HNRNPA2B1: variants seen among roughly 807,000 people sequenced by gnomAD.
HNRNPA2B1 encodes the protein heterogeneous nuclear ribonucleoprotein A2/B1.
HNRNPA2B1 carries 3 observed loss-of-function variants against 46.3 expected under a neutral mutation model. That is an observed-to-expected ratio of 0.06 (90% CI 0.03 to 0.17). The LOEUF is 0.17. Among genes scored for constraint, HNRNPA2B1 ranks in the 10% least tolerant of loss-of-function variants. The pLI is 1.00. For missense variants in HNRNPA2B1, 221 were observed against 418.9 expected (o/e 0.53, Z 4.12); for synonymous variants, 225 against 133.8 (o/e 1.68, Z -4.70).
chr7:26,200,635 C>T lies in HNRNPA2B1; in HGVS notation c.-58G>A. 3 of 1,612,140 alleles carry T rather than the reference C, an allele frequency of 1.9e-6. No homozygotes were observed. Among genetic ancestry groups the T allele is most frequent in the Non-Finnish European group, 2.5e-6 (3 of 1,179,244 alleles). ...CAGCCGAGCGAGATGAGAGAGATCTCCGCGGACGAACACGAACCGGACTCG... is the reference window on the plus strand; with the variant it reads ...CAGCCGAGCGAGATGAGAGAGATCTTCGCGGACGAACACGAACCGGACTCG... On this transcript the variant is annotated 5_prime_UTR_variant, in exon 1 of 11. Coordinates refer to ENST00000618183, the MANE Select transcript of HNRNPA2B1 (RefSeq NM_002137.4).
At position 26,190,050 on chromosome 7, in the gene HNRNPA2B1, A is replaced by T. The variant is rs567842517; in HGVS notation, c.*2310T>A. Reference sequence around the variant, plus strand: ...GAAACTGCTTTTAAAAATTTAGGGGATGGTGATCTTTTAGACAACCAAATA... The same window carrying T: ...GAAACTGCTTTTAAAAATTTAGGGGTTGGTGATCTTTTAGACAACCAAATA... On this transcript the variant is annotated 3_prime_UTR_variant, in exon 11 of 11. Coordinates refer to ENST00000618183, the MANE Select transcript of HNRNPA2B1 (RefSeq NM_002137.4). The T allele has an allele frequency of 6.6e-6, 1 of 152,570 alleles. No homozygotes were observed. The highest frequency in any genetic ancestry group is 2.4e-5 in the African/African-American group (1 of 41,456). The allele number at this position is 152,570 out of a possible 1,614,324, so 9.5% of individuals were successfully genotyped here.
chr7:26,200,580 C>G lies in HNRNPA2B1; in HGVS notation c.-3G>C, dbSNP rs1784322317. The G allele has an allele frequency of 5.6e-6, 9 of 1,613,534 alleles. No homozygotes were observed. Among genetic ancestry groups the G allele is most frequent in the Non-Finnish European group, 7.6e-6 (9 of 1,180,016 alleles). On this transcript the variant is annotated 5_prime_UTR_variant, in exon 1 of 11. Transcript: ENST00000618183. ...GATTTCAAACCCGTTACCTCCATCG[C>G]GGACTCAGTCGCTTCAGCCCGATTT...
At chr7:26,197,586 G>C (rs1057118552) in intron 2 of HNRNPA2B1, 36 bp downstream of exon 2, 8 of 1,569,754 alleles carry the variant, frequency 5.1e-6, no homozygotes, top group Admixed American at 1.7e-5. Flanking sequence ...ACAGCTAAAA[G>C]ACTAATATCC....
chr7:26,197,040 G>A (rs1439039496), intron 3 of HNRNPA2B1, 23 bp from the exon 4 acceptor site: 5 of 1,571,992 alleles, frequency 3.2e-6, no homozygotes, highest in Non-Finnish European at 4.4e-6. Context: ...TGGGGTAAAA[G>A]TCATCCAAAC....
At chr7:26,198,663 A>G (rs1013888954) in intron 1 of HNRNPA2B1, 8 of 152,252 alleles carry the variant, frequency 5.3e-5, no homozygotes, top group Non-Finnish European at 1.0e-4. Flanking sequence ...ATGCTGTACT[A>G]CACAGCTGTA....
At chr7:26,195,038 G>C (rs539946606) in intron 7 of HNRNPA2B1, among the ~76,000 whole-genome samples, 3 of 143,380 alleles carry the variant, frequency 2.1e-5, no homozygotes, top group Non-Finnish European at 4.5e-5. Flanking sequence ...AGATTGCAGT[G>C]AGCAGAGACG....
intron 7 of HNRNPA2B1, among the ~76,000 whole-genome samples, chr7:26,195,013 G>T (rs1461244178): frequency 6.7e-6 from 1 of 149,556 alleles, no homozygotes; most frequent in Non-Finnish European, 1.5e-5. Context: ...AGAATCACTT[G>T]GACCGGGAAG....
At chr7:26,194,955 G>C (rs1029436815) in intron 7 of HNRNPA2B1, among the ~76,000 whole-genome samples, 1 of 151,414 alleles carries the variant, frequency 6.6e-6, no homozygotes, top group African/African-American at 2.4e-5. Flanking sequence ...TTAGCTGGGC[G>C]TGGTGGTGCA....
At chr7:26,195,059 C>G (rs1284446166) in intron 7 of HNRNPA2B1, among the ~76,000 whole-genome samples, 1 of 142,216 alleles carries the variant, frequency 7.0e-6, no homozygotes, top group African/African-American at 2.7e-5. Flanking sequence ...CGCCACTACA[C>G]TCCAGCCTGG....
In HNRNPA2B1 at chr7:26,191,961, A is replaced by C. The variant is rs754602361; in HGVS notation, c.*399T>G. The C allele has an allele frequency of 6.5e-6, 1 of 152,806 alleles. No homozygotes were observed. The highest frequency in any genetic ancestry group is 1.5e-5 in the Non-Finnish European group (1 of 68,144). 9.5% of individuals were successfully genotyped at this position (152,806 alleles called of 1,614,324 possible). ...GTCTTATTACACCATGATCCTGGCT[A>C]ATAGCTTTTCAAAACTTTGAGAAAA... On this transcript the variant is annotated 3_prime_UTR_variant, in exon 11 of 11. Transcript: ENST00000618183.
In HNRNPA2B1 at chr7:26,197,372, T is replaced by C. The variant is rs1360852750; in HGVS notation, c.207A>G (p.Ala69=). ...SMAEVDAAMA[A]RPHSIDGRVV... ...CTCTCCCATCAATTGAATGAGGTCT[T>C]GCAGCCATGGCAGCATCAACCTCAG... is the stretch of plus-strand genomic sequence containing the variant. Residue 69 remains alanine (A), a synonymous_variant, in exon 3 of 11, where the codon GCA becomes GCG. Transcript: ENST00000618183. 6.2e-7 allele frequency: 1 copy of C among 1,614,050 alleles called. No individual in the cohort carries two copies. Among genetic ancestry groups the C allele is most frequent in the African/African-American group, 1.3e-5 (1 of 75,040 alleles).
At position 26,193,681 on chromosome 7, in the gene HNRNPA2B1, T is replaced by A. The variant is rs1184552968; in HGVS notation, c.735A>T (p.Gly245=). The A allele has an allele frequency of 3.7e-6, 6 of 1,611,566 alleles. No homozygotes were observed. The highest frequency in any genetic ancestry group is 4.2e-6 in the Non-Finnish European group (5 of 1,178,834). Residue 245 remains glycine, a synonymous_variant, in exon 8 of 11, where the codon GGA becomes GGT. Coordinates refer to ENST00000618183, the MANE Select transcript of HNRNPA2B1 (RefSeq NM_002137.4). ...YGGGPGGGNF[G]GSPGYGGGRG... The stretch of plus-strand genomic sequence containing the variant: ...TTCCTCCTCCATAACCGGGGCTACC[T>A]CCAAAATTGCCACCTATTATAAAAT...
At chr7:26,200,352 C>T (rs916248712) in intron 1 of HNRNPA2B1, 5 of 611,516 alleles carry the variant, frequency 8.2e-6, no homozygotes, top group Non-Finnish European at 1.5e-5. Flanking sequence ...ATCCCCCACC[C>T]CCAGTGAAGG....
chr7:26,200,526 C>G (rs757490264), intron 1 of HNRNPA2B1, 46 bp downstream of exon 1: 1 of 1,607,258 alleles, frequency 6.2e-7, no homozygotes, highest in Non-Finnish European at 8.5e-7. Context: ...GCGCCAACGG[C>G]CTCGCCATGC....
intron 7 of HNRNPA2B1, among the ~76,000 whole-genome samples, chr7:26,194,820 C>A (rs972507796): frequency 2.7e-5 from 4 of 150,532 alleles, no homozygotes; most frequent in African/African-American, 9.8e-5. Context: ...AAAGGCTGGG[C>A]ATGGTTGCTC....
rs956387893 is a variant in HNRNPA2B1 at position 26,200,628 on chromosome 7, G to A, written c.-51C>T. 3.1e-6 allele frequency: 5 copies of A among 1,612,842 alleles called. No homozygotes were observed. The highest frequency in any genetic ancestry group is 2.2e-5 in the East Asian group (1 of 44,870). ...TTTCCCGCAGCCGAGCGAGATGAGA[G>A]AGATCTCCGCGGACGAACACGAACC... On this transcript the variant is annotated 5_prime_UTR_variant, in exon 1 of 11. Transcript: ENST00000618183.
At chr7:26,200,357 T>C (rs948864792) in intron 1 of HNRNPA2B1, 7 of 616,326 alleles carry the variant, frequency 1.1e-5, no homozygotes, top group African/African-American at 1.8e-5. Context: ...CCACCCCCAG[T>C]GAAGGGAAAT....
At chr7:26,194,848 G>A (rs1176139651) in intron 7 of HNRNPA2B1, among the ~76,000 whole-genome samples, 1 of 150,940 alleles carries the variant, frequency 6.6e-6, no homozygotes, top group African/African-American at 2.4e-5. Flanking sequence ...TAACCCCAGC[G>A]TTTTTGGGAG....
rs747313003 is a variant in HNRNPA2B1, at chr7:26,195,864, T to C, written c.704A>G (p.Tyr235Cys). ...GRGFGDGYNG[Y>C]GGGPGGGNFG... ...AAACTGACCTCCAGGTCCTCCTCCATACCCATTATAGCCATCCCCAAATCC... is the reference window on the plus strand; with the variant it reads ...AAACTGACCTCCAGGTCCTCCTCCACACCCATTATAGCCATCCCCAAATCC... The change falls in exon 7 of 11, where the codon TAT becomes TGT. Residue 235 changes from tyrosine to cysteine, a missense_variant. Tyr to Cys is a radical substitution (Grantham distance 194). Transcript: ENST00000618183. 2 of 1,611,628 alleles carry C rather than the reference T, an allele frequency of 1.2e-6. No homozygotes were observed. The highest frequency in any genetic ancestry group is 1.7e-6 in the Non-Finnish European group (2 of 1,179,272).
Sources: allele counts gnomAD v4.1 joint callset (sites outside exome capture counted in the v4.1 genomes callset), GRCh38; gene constraint gnomAD v4.1.1; transcripts MANE v1.5; gene names NCBI Gene and HGNC (gene_info 2026-07-23, HGNC 2026-07-21).